DENND1A: variants seen among roughly 807,000 people sequenced by gnomAD.
DENND1A encodes the protein DENN domain containing 1A.
Under a neutral mutation model 113.7 loss-of-function variants are expected in DENND1A, and 51 were observed. That is an observed-to-expected ratio of 0.45 (90% CI 0.36 to 0.57). The LOEUF (loss-of-function observed/expected upper bound fraction) is 0.57, where lower values mean the gene tolerates loss of function less well. Ranked by LOEUF, DENND1A falls within the 20% of genes least tolerant of loss-of-function variation. The probability of loss-of-function intolerance (pLI) is 0.00; values close to 1 mark genes in which losing one functional copy is unlikely to be tolerated. For missense variants in DENND1A, 1,258 were observed against 1,395.9 expected, an observed-to-expected ratio of 0.90 and a Z score of 1.57; for synonymous variants, 565 against 570.8, an observed-to-expected ratio of 0.99 and a Z score of 0.14.
intron 16 of DENND1A, 31 bp from the exon 17 acceptor site, chr9:123,452,378 G>A (rs1251234072): frequency 1.9e-6 from 3 of 1,584,050 alleles, no homozygotes; most frequent in Non-Finnish European, 2.6e-6. Flanking sequence ...AGCAATTTGG[G>A]CTGAAGACAG....
chr9:123,490,818 T>C (rs1588809787), intron 13 of DENND1A, among the ~76,000 whole-genome samples: 1 of 152,258 alleles, frequency 6.6e-6, no homozygotes, highest in Non-Finnish European at 1.5e-5. Flanking sequence ...GAAACTGCTG[T>C]GTATTCCGCC....
At chr9:123,643,886 G>A (rs1351957673) in intron 9 of DENND1A, among the ~76,000 whole-genome samples, 1 of 152,190 alleles carries the variant, frequency 6.6e-6, no homozygotes, top group Admixed American at 6.5e-5. Context: ...TTAGGTGTGC[G>A]TTCAAAGGTG....
rs117042754 is a variant in DENND1A at position 123,545,885 on chromosome 9, T to A, written c.993+11685A>T. Among the ~76,000 whole-genome samples, 407 of 152,272 alleles carry A rather than the reference T, an allele frequency of 2.7e-3. 1 individual carries two copies. The highest frequency in any genetic ancestry group is 4.7e-3 in the Non-Finnish European group (322 of 68,020). On this transcript the variant is annotated intron_variant, in intron 13 of 23. Coordinates refer to ENST00000394215, the MANE Select transcript of DENND1A (RefSeq NM_001352964.2). ...TTGCTTGAAAATGGATCAGAAAGAT[T>A]TCCTTTTCAGAGTCTCACTGAAAAA...
intron 10 of DENND1A, among the ~76,000 whole-genome samples, chr9:123,614,318 C>T (rs574075891): frequency 8.5e-5 from 13 of 152,270 alleles, no homozygotes; most frequent in South Asian, 8.3e-4. Context: ...AAGGGCTATT[C>T]GCCAGTCCTC....
At chr9:123,745,196 A>C (rs1213082252) in intron 5 of DENND1A, among the ~76,000 whole-genome samples, 1 of 152,146 alleles carries the variant, frequency 6.6e-6, no homozygotes. Flanking sequence ...TGCAGGCCCT[A>C]CTCTGACACT....
At chr9:123,420,758 G>C (rs1466524762) in intron 19 of DENND1A, among the ~76,000 whole-genome samples, 2 of 151,694 alleles carry the variant, frequency 1.3e-5, no homozygotes, top group Admixed American at 1.3e-4. Context: ...AAAGAGCTCG[G>C]CTGACGGGGA....
intron 3 of DENND1A, among the ~76,000 whole-genome samples, chr9:123,784,420 CAGA>C (rs947480534): frequency 5.3e-5 from 8 of 152,070 alleles, no homozygotes; most frequent in Admixed American, 3.3e-4. Flanking sequence ...CAGAGGGAAA[CAGA>C]AGAATAGGAC....
intron 13 of DENND1A, among the ~76,000 whole-genome samples, chr9:123,465,210 A>G (rs1267144232): frequency 6.6e-6 from 1 of 151,508 alleles, no homozygotes; most frequent in East Asian, 1.9e-4. Flanking sequence ...CATTAAAAAG[A>G]AAAGCTCCTG....
At chr9:123,668,740 C>T (rs2063614702) in intron 7 of DENND1A, among the ~76,000 whole-genome samples, 1 of 152,152 alleles carries the variant, frequency 6.6e-6, no homozygotes, top group African/African-American at 2.4e-5. Flanking sequence ...AAGCCTTCTT[C>T]GATGCATTAT....
chr9:123,711,498 T>C (rs1273496960), intron 5 of DENND1A, among the ~76,000 whole-genome samples: 2 of 64,612 alleles, frequency 3.1e-5, no homozygotes, highest in African/African-American at 1.7e-4. Flanking sequence ...TATATATATA[T>C]ATATATGTAT....
intron 21 of DENND1A, among the ~76,000 whole-genome samples, chr9:123,394,126 G>A (rs1418096305): frequency 6.6e-6 from 1 of 152,076 alleles, no homozygotes; most frequent in Non-Finnish European, 1.5e-5. Context: ...AGAGTAGCTG[G>A]GACTATAGGC....
chr9:123,628,062 C>G (rs2061319234), intron 10 of DENND1A, among the ~76,000 whole-genome samples: 1 of 152,066 alleles, frequency 6.6e-6, no homozygotes, highest in Non-Finnish European at 1.5e-5. Flanking sequence ...AGTAATGGAG[C>G]AGAGACAGGG....
chr9:123,682,022 G>A (rs2064497594), intron 5 of DENND1A, among the ~76,000 whole-genome samples: 1 of 152,164 alleles, frequency 6.6e-6, no homozygotes, highest in Non-Finnish European at 1.5e-5. Flanking sequence ...TGCATGACAG[G>A]CAGAAGAAAG....
chr9:123,607,929 A>G (rs1255533047), intron 11 of DENND1A, among the ~76,000 whole-genome samples: 1 of 152,106 alleles, frequency 6.6e-6, no homozygotes, highest in Non-Finnish European at 1.5e-5. Context: ...AATAGTCGTT[A>G]TATTAGTGTT....
At chr9:123,797,809 A>G (rs762514530) in intron 2 of DENND1A, among the ~76,000 whole-genome samples, 4 of 152,116 alleles carry the variant, frequency 2.6e-5, no homozygotes, top group Non-Finnish European at 5.9e-5. Flanking sequence ...CCTTTTTTTG[A>G]CAATGAAACA....
chr9:123,843,411 G>T lies in DENND1A; in HGVS notation c.88+35540C>A, dbSNP rs1182265622. On this transcript the variant is annotated intron_variant, in intron 2 of 23. Transcript: ENST00000394215. ...GTCTACTTTTACCACTGTACCTTAT[G>T]TTTGTTAGAACCAAATCTCAAAAGC... 4.5e-5 allele frequency: 14 copies of T among 308,774 alleles called. 1 individual carries two copies. The highest frequency in any genetic ancestry group is 9.1e-5 in the Non-Finnish European group (14 of 153,422). The allele number at this position is 308,774 out of a possible 1,614,324, so 19.1% of individuals were successfully genotyped here. A position where few individuals can be genotyped will look rare whatever the true frequency, so the allele number is the denominator to read the frequency against.
At chr9:123,474,148 C>A (rs2049702134) in intron 13 of DENND1A, among the ~76,000 whole-genome samples, 1 of 151,960 alleles carries the variant, frequency 6.6e-6, no homozygotes, top group African/African-American at 2.4e-5. Context: ...GCATGCACCA[C>A]CATGCCGAGC....
chr9:123,681,380 G>A (rs1037039311), intron 5 of DENND1A, among the ~76,000 whole-genome samples: 4 of 152,038 alleles, frequency 2.6e-5, no homozygotes, highest in Non-Finnish European at 4.4e-5. Flanking sequence ...AATGCTGTCC[G>A]TGATAGGAAG....
chr9:123,805,343 A>G (rs912998046), intron 2 of DENND1A, among the ~76,000 whole-genome samples: 1 of 152,220 alleles, frequency 6.6e-6, no homozygotes, highest in Admixed American at 6.5e-5. Flanking sequence ...TTTCATATAC[A>G]TAATGAGATA....
Sources: allele counts gnomAD v4.1 joint callset (sites outside exome capture counted in the v4.1 genomes callset), GRCh38; gene constraint gnomAD v4.1.1; transcripts MANE v1.5; gene names NCBI Gene and HGNC (gene_info 2026-07-23, HGNC 2026-07-21).